NFIA: variants seen among roughly 807,000 people sequenced by gnomAD.
NFIA encodes nuclear factor 1 A-type.
A neutral mutation model predicts 62.8 loss-of-function variants in NFIA; 8 were observed. The observed-to-expected ratio is 0.13, with a 90% CI of 0.07 to 0.23. The LOEUF (loss-of-function observed/expected upper bound fraction) is 0.23, where lower values mean the gene tolerates loss of function less well. Ranked by LOEUF, NFIA falls within the 10% of genes least tolerant of loss-of-function variation. The pLI is 1.00. For synonymous variants in NFIA, 235 were observed against 238.1 expected (o/e 0.99, Z 0.12); for missense variants, 410 against 642.1 (o/e 0.64, Z 3.91).
intron 3 of NFIA, among the ~76,000 whole-genome samples, chr1:61,306,051 C>T (rs924580482): frequency 4.0e-5 from 6 of 151,138 alleles, no homozygotes; most frequent in East Asian, 2.0e-4. Context: ...AGAGTTTCAC[C>T]GTGTTAGCCA....
At chr1:61,196,943 G>A (rs567177279) in intron 2 of NFIA, among the ~76,000 whole-genome samples, 3,143 of 135,282 alleles carry the variant, frequency 0.023, 115 homozygotes, top group African/African-American at 0.085. Context: ...GTGTGTGTGC[G>A]CGCGCGCGCT....
chr1:61,434,696 A>G (rs1667251878), intron 10 of NFIA, among the ~76,000 whole-genome samples: 1 of 152,284 alleles, frequency 6.6e-6, no homozygotes, highest in Middle Eastern at 3.4e-3. Flanking sequence ...GATTATTGTA[A>G]TAATTAAGGT....
chr1:61,285,771 A>G (rs1019250318), intron 3 of NFIA, among the ~76,000 whole-genome samples: 2 of 152,202 alleles, frequency 1.3e-5, no homozygotes, highest in Admixed American at 1.3e-4. Context: ...AGGGAGTCTC[A>G]TATGGCTTAT....
intron 2 of NFIA, among the ~76,000 whole-genome samples, chr1:61,126,466 A>ACACACACT (rs1553153099): frequency 0.014 from 2,142 of 151,552 alleles, 22 homozygotes; most frequent in Non-Finnish European, 0.022. Flanking sequence ...ACACACACAC[A>ACACACACT]CACACACACT....
chr1:61,085,060 AT>A (rs1646195154), intron 1 of NFIA, among the ~76,000 whole-genome samples: 1 of 152,080 alleles, frequency 6.6e-6, no homozygotes, highest in South Asian at 2.1e-4. Flanking sequence ...TTGCTGGGAT[AT>A]TTATAATGTT....
intron 2 of NFIA, among the ~76,000 whole-genome samples, chr1:61,234,367 CAAAAAAAAAAA>C (rs34304036): frequency 3.5e-4 from 26 of 73,304 alleles, no homozygotes; most frequent in East Asian, 8.5e-4. Context: ...AACGCCATCT[CAAAAAAAAAAA>C]AAAAAAAAAA....
intron 2 of NFIA, among the ~76,000 whole-genome samples, chr1:61,119,028 A>C (rs1646842176): frequency 6.6e-6 from 1 of 152,186 alleles, no homozygotes; most frequent in South Asian, 2.1e-4. Context: ...TCCTCCTATA[A>C]TACAACCAGG....
chr1:61,407,149 T>C (rs1296476923), intron 9 of NFIA, among the ~76,000 whole-genome samples: 1 of 152,184 alleles, frequency 6.6e-6, no homozygotes, highest in East Asian at 1.9e-4. Context: ...ATATACCTCA[T>C]ACATCAAATA....
chr1:61,435,333 T>G (rs747107813), intron 10 of NFIA, among the ~76,000 whole-genome samples: 3 of 152,096 alleles, frequency 2.0e-5, no homozygotes, highest in Non-Finnish European at 4.4e-5. Flanking sequence ...AAACCCCAAT[T>G]AAGTGTGGTT....
At chr1:61,346,494 T>C (rs6690890) in intron 4 of NFIA, among the ~76,000 whole-genome samples, 6,219 of 152,342 alleles carry the variant, frequency 0.041, 424 homozygotes, top group African/African-American at 0.14. Flanking sequence ...TATTGATATT[T>C]TATATTTGTT....
intron 2 of NFIA, among the ~76,000 whole-genome samples, chr1:61,230,271 A>T (rs1273256050): frequency 1.3e-5 from 2 of 152,294 alleles, no homozygotes; most frequent in East Asian, 3.9e-4. Flanking sequence ...AATATCTAGA[A>T]ATAACCTTAA....
chr1:61,235,356 G>C (rs1192585960), intron 2 of NFIA, among the ~76,000 whole-genome samples: 1 of 151,718 alleles, frequency 6.6e-6, no homozygotes, highest in African/African-American at 2.4e-5. Context: ...CCAGCTACTC[G>C]GGAGGCTGAG....
At chr1:61,360,452 G>A (rs1024551358) in intron 6 of NFIA, among the ~76,000 whole-genome samples, 3 of 152,172 alleles carry the variant, frequency 2.0e-5, no homozygotes, top group African/African-American at 7.2e-5. Context: ...TAATCTGACA[G>A]TACTAATAGC....
chr1:61,324,359 T>C (rs1252972334), intron 3 of NFIA, among the ~76,000 whole-genome samples: 1 of 152,164 alleles, frequency 6.6e-6, no homozygotes, highest in East Asian at 1.9e-4. Context: ...TGTCTTGTTA[T>C]TAGGGATGGA....
chr1:61,178,612 C>T (rs1275193442), intron 2 of NFIA, among the ~76,000 whole-genome samples: 1 of 152,184 alleles, frequency 6.6e-6, no homozygotes, highest in Non-Finnish European at 1.5e-5. Context: ...GGTAAGGCTG[C>T]AGCCTTATTG....
intron 2 of NFIA, among the ~76,000 whole-genome samples, chr1:61,093,639 G>A (rs1646361325): frequency 6.6e-6 from 1 of 152,176 alleles, no homozygotes. Context: ...TACCTAGAAT[G>A]TAGTAACAAA....
Position 61,455,492 on chromosome 1 carries a change from C to CATAATGGTCA in NFIA, c.*173_*174insTAATGGTCAA. On this transcript the variant is annotated 3_prime_UTR_variant, in exon 11 of 11. Coordinates refer to ENST00000403491, the MANE Select transcript of NFIA (RefSeq NM_001134673.4). ...AACAGCAAGCATTATGGTCAAACAG[C>CATAATGGTCA]AAAGGCCATAACCTTTTGGGATTTT... is the stretch of plus-strand genomic sequence containing the variant. 1.9e-6 allele frequency: 2 copies of CATAATGGTCA among 1,025,794 alleles called. No individual in the cohort carries two copies. The highest frequency in any genetic ancestry group is 2.9e-6 in the Non-Finnish European group (2 of 686,646). 63.5% of individuals were successfully genotyped at this position (1,025,794 alleles called of 1,614,324 possible).
intron 2 of NFIA, among the ~76,000 whole-genome samples, chr1:61,136,528 T>G (rs1301671845): frequency 6.6e-6 from 1 of 152,228 alleles, no homozygotes; most frequent in Non-Finnish European, 1.5e-5. Flanking sequence ...GTGGAGCCTT[T>G]CTAACGCCTA....
chr1:61,247,210 G>A (rs1009699878), intron 2 of NFIA, among the ~76,000 whole-genome samples: 5 of 152,188 alleles, frequency 3.3e-5, no homozygotes, highest in Non-Finnish European at 5.9e-5. Flanking sequence ...CAAAAAGAGT[G>A]TCAAGACACA....
Sources: allele counts gnomAD v4.1 joint callset (sites outside exome capture counted in the v4.1 genomes callset), GRCh38; gene constraint gnomAD v4.1.1; transcripts MANE v1.5; gene names NCBI Gene and HGNC (gene_info 2026-07-23, HGNC 2026-07-21).